DEPDC1B: variants seen among roughly 807,000 people sequenced by gnomAD.
DEPDC1B encodes DEP domain-containing protein 1B.
Under a neutral mutation model 66.5 loss-of-function variants are expected in DEPDC1B, and 51 were observed. The observed-to-expected ratio is 0.77, with a 90% CI of 0.61 to 0.97. The LOEUF (loss-of-function observed/expected upper bound fraction) is 0.97. Ranked by LOEUF, DEPDC1B falls within the 50% of genes least tolerant of loss-of-function variation. The pLI is 0.00. For missense variants in DEPDC1B, 552 were observed against 637.1 expected (o/e 0.87, Z 1.44); for synonymous variants, 226 against 223.6 (o/e 1.01, Z -0.10).
intron 7 of DEPDC1B, among the ~76,000 whole-genome samples, chr5:60,622,718 AG>A (rs1255912005): frequency 1.2e-4 from 19 of 152,340 alleles, no homozygotes; most frequent in African/African-American, 4.6e-4. Context: ...CTTTGGCTTT[AG>A]CCATTTTAGT....
At chr5:60,645,331 C>A (rs954442772) in intron 4 of DEPDC1B, among the ~76,000 whole-genome samples, 161 bp downstream of exon 4, 1 of 152,036 alleles carries the variant, frequency 6.6e-6, no homozygotes, top group Non-Finnish European at 1.5e-5. Flanking sequence ...GAGATAATCC[C>A]CAGAATTCAG....
In DEPDC1B at chr5:60,603,567, T is replaced by C. The variant is rs780927695; in HGVS notation, c.1066A>G (p.Met356Val). 4 of 1,585,132 alleles carry C rather than the reference T, an allele frequency of 2.5e-6. No individual in the cohort carries two copies. Among genetic ancestry groups the C allele is most frequent in the South Asian group, 1.2e-5 (1 of 85,492 alleles). ...LCDGFGTRTL[M>V]VQTFSRCILC... is the part of the protein sequence containing the mutation. ...ATGCAACGGGAAAATGTCTGAACCA[T>C]CTAAAAAAAGAGCGGGGTGGGGGGT... The change falls in exon 9 of 11, where the codon ATG becomes GTG. Residue 356 changes from methionine to valine, a missense_variant and splice_region_variant. Transcript: ENST00000265036.
intron 6 of DEPDC1B, among the ~76,000 whole-genome samples, chr5:60,639,373 G>C (rs965947437): frequency 2.6e-5 from 4 of 152,082 alleles, no homozygotes; most frequent in African/African-American, 9.7e-5. Context: ...AAATCCTACA[G>C]TCATAGAGTT....
intron 9 of DEPDC1B, among the ~76,000 whole-genome samples, chr5:60,600,596 T>C (rs1445581968): frequency 1.3e-5 from 2 of 152,198 alleles, no homozygotes; most frequent in Non-Finnish European, 2.9e-5. Flanking sequence ...AACAGGTGCT[T>C]GGCAATTCTA....
At chr5:60,677,320 ACACACACTCTCTCT>A (rs1415836593) in intron 2 of DEPDC1B, among the ~76,000 whole-genome samples, 2 of 107,728 alleles carry the variant, frequency 1.9e-5, no homozygotes, top group South Asian at 2.9e-4. Context: ...ACACACACAC[ACACACACTCTCTCT>A]CTCTCTCTCT....
In DEPDC1B at chr5:60,604,218, C is replaced by CTTTTTTTTTTTTTTTTTTTT. The variant is rs869142199; in HGVS notation, c.1066-671_1066-652dup. Reference sequence around the variant, plus strand: ...TTCCATAGAATTGAAATTAACTATTCTTTTTTTTTTTTTTTTTTTTTTTAC... The same window carrying CTTTTTTTTTTTTTTTTTTTT: ...TTCCATAGAATTGAAATTAACTATTCTTTTTTTTTTTTTTTTTTTTTTTTTTTTTTTTTTTTTTTTTTTAC... On this transcript the variant is annotated intron_variant, in intron 8 of 10. Transcript: ENST00000265036. 3.0e-4 allele frequency among the ~76,000 whole-genome samples: 21 copies of CTTTTTTTTTTTTTTTTTTTT among 68,956 alleles called. 4 individuals are homozygous for CTTTTTTTTTTTTTTTTTTTT. Among genetic ancestry groups the CTTTTTTTTTTTTTTTTTTTT allele is most frequent in the East Asian group, 1.6e-3 (3 of 1,844 alleles). The allele number at this position is 68,956 out of a possible 152,430, so 45.2% of individuals were successfully genotyped here. A position where few individuals can be genotyped will look rare whatever the true frequency, so the allele number is the denominator to read the frequency against.
chr5:60,656,159 A>ATTTT, intron 2 of DEPDC1B, among the ~76,000 whole-genome samples: 1 of 125,926 alleles, frequency 7.9e-6, no homozygotes, highest in East Asian at 2.1e-4. Context: ...GTTTAAGTCC[A>ATTTT]TTTTTTTTTT....
At position 60,674,375 on chromosome 5, in the gene DEPDC1B, A is replaced by G. The variant is rs562185256; in HGVS notation, c.314+12587T>C. On this transcript the variant is annotated intron_variant, in intron 2 of 10. Coordinates refer to ENST00000265036, the MANE Select transcript of DEPDC1B (RefSeq NM_018369.3). ...TCAGGGCAATATATTTCAACATTCT[A>G]TTTAACACACCTACATGTACTAGTT... Among the ~76,000 whole-genome samples, 21 of 152,372 alleles carry G rather than the reference A, an allele frequency of 1.4e-4. No individual in the cohort carries two copies. In the South Asian group the frequency reaches 3.9e-3, roughly 29 times the overall value.
intron 8 of DEPDC1B, among the ~76,000 whole-genome samples, chr5:60,604,365 C>T (rs568185273): frequency 6.7e-4 from 102 of 151,276 alleles, no homozygotes; most frequent in African/African-American, 2.3e-3. Flanking sequence ...GGATTACAGG[C>T]GCCTGCCACC....
intron 7 of DEPDC1B, among the ~76,000 whole-genome samples, chr5:60,621,414 A>T (rs562858804): frequency 6.6e-6 from 1 of 152,280 alleles, no homozygotes; most frequent in South Asian, 2.1e-4. Context: ...TGAAGCTGGA[A>T]ACCATTATTC....
Position 60,667,858 on chromosome 5 carries a change from T to TATATAAAAA in DEPDC1B, c.314+19103_314+19104insTTTTTATAT, listed in dbSNP as rs1206317167. 4.7e-3 allele frequency among the ~76,000 whole-genome samples: 483 copies of TATATAAAAA among 101,892 alleles called. 144 individuals carry two copies. The highest frequency in any genetic ancestry group is 7.1e-3 in the Non-Finnish European group (369 of 51,624). 66.8% of individuals were successfully genotyped at this position (101,892 alleles called of 152,430 possible). ...ATGTAAAAAATGGATATTTTACATA[T>TATATAAAAA]ATGTAAAAAATGGATATTTTACATA... On this transcript the variant is annotated intron_variant, in intron 2 of 10. Transcript: ENST00000265036.
Position 60,597,708 on chromosome 5 carries a change from AAAC to A in DEPDC1B, c.*42_*44del, listed in dbSNP as rs756309095. 8 of 1,572,752 alleles carry A rather than the reference AAAC, an allele frequency of 5.1e-6. No individual in the cohort carries two copies. Among genetic ancestry groups the A allele is most frequent in the East Asian group, 2.3e-5 (1 of 42,782 alleles). Reference sequence around the variant, plus strand: ...CTTTCTCCTAACCACCATTCACTCAAAACAACAACAGTGGTCTCTAGCACCTGT... The same window carrying A: ...CTTTCTCCTAACCACCATTCACTCAAAACAACAGTGGTCTCTAGCACCTGT... On this transcript the variant is annotated 3_prime_UTR_variant, in exon 11 of 11. Transcript: ENST00000265036.
chr5:60,621,851 C>A (rs2061250), intron 7 of DEPDC1B, among the ~76,000 whole-genome samples: 69,867 of 151,920 alleles, frequency 0.46, 17,357 homozygotes, highest in East Asian at 0.57. Context: ...ACAATGAATT[C>A]AAATGTTTTC....
At chr5:60,692,282 TATTAATAATA>T (rs1754562982) in intron 1 of DEPDC1B, among the ~76,000 whole-genome samples, 1 of 152,166 alleles carries the variant, frequency 6.6e-6, no homozygotes, top group Admixed American at 6.5e-5. Flanking sequence ...ATGGTGAAGA[TATTAATAATA>T]ATGTACTTTC....
At chr5:60,686,747 C>A (rs534076488) in intron 2 of DEPDC1B, among the ~76,000 whole-genome samples, 1 of 152,284 alleles carries the variant, frequency 6.6e-6, no homozygotes, top group Non-Finnish European at 1.5e-5. Context: ...ATCACTGCAA[C>A]AAAACACAGC....
At chr5:60,639,011 T>C in intron 6 of DEPDC1B, 121 bp from the exon 7 acceptor site, 1 of 1,108,264 alleles carries the variant, frequency 9.0e-7, no homozygotes. Context: ...CAGAAAAGTT[T>C]TTATGGGGAA....
intron 6 of DEPDC1B, 92 bp downstream of exon 6, chr5:60,642,720 A>G: frequency 1.2e-6 from 1 of 866,294 alleles, no homozygotes; most frequent in Non-Finnish European, 1.8e-6. Context: ...CAGGTGTCAC[A>G]TCAATGTTCA....
chr5:60,657,739 G>A (rs902405530), intron 2 of DEPDC1B, among the ~76,000 whole-genome samples: 10 of 152,104 alleles, frequency 6.6e-5, no homozygotes, highest in Admixed American at 2.6e-4. Flanking sequence ...CCTTCATCTC[G>A]ACTTTAGATA....
chr5:60,687,228 C>T lies in DEPDC1B; in HGVS notation c.49-1G>A. The T allele has an allele frequency of 6.3e-7, 1 of 1,599,390 alleles. No individual in the cohort carries two copies. On this transcript the variant is annotated splice_acceptor_variant, in intron 1 of 10. Coordinates refer to ENST00000265036, the MANE Select transcript of DEPDC1B (RefSeq NM_018369.3). LOFTEE classifies it high-confidence loss of function. ...GAAAAAGCTCCACGGTCTCATTCCA[C>T]TAGGGGAAAGAAAGAGAATGGCATT...
Sources: gnomAD v4.1 joint callset for allele counts (sites outside exome capture counted in the v4.1 genomes callset) on GRCh38, gnomAD v4.1.1 for gene constraint, MANE v1.5 for transcripts, NCBI Gene and HGNC (gene_info 2026-07-23, HGNC 2026-07-21) for gene names.